The following NCAPG2 variants were observed in gnomAD, a reference collection of about 807,000 sequenced individuals.
NCAPG2 encodes the protein condensin-2 complex subunit G2.
A neutral mutation model predicts 141.1 loss-of-function variants in NCAPG2; 53 were observed. That is an observed-to-expected ratio of 0.38 (90% CI 0.30 to 0.47). The LOEUF (loss-of-function observed/expected upper bound fraction) is 0.47, where lower values mean the gene tolerates loss of function less well. NCAPG2 is among the 20% of genes least tolerant of loss of function. NCAPG2 has a pLI of 0.99. For missense variants in NCAPG2, 1,087 were observed against 1,389.0 expected, an observed-to-expected ratio of 0.78 and a Z score of 3.46; for synonymous variants, 499 against 490.7, an observed-to-expected ratio of 1.02 and a Z score of -0.22.
chr7:158,648,356 C>T (rs1368317287), intron 24 of NCAPG2, among the ~76,000 whole-genome samples: 3 of 150,290 alleles, frequency 2.0e-5, no homozygotes, highest in African/African-American at 4.9e-5. Flanking sequence ...GATAAAATGG[C>T]GTAGTAAAAA....
intron 11 of NCAPG2, among the ~76,000 whole-genome samples, chr7:158,677,737 G>C (rs1481288015): frequency 1.3e-5 from 2 of 152,130 alleles, no homozygotes; most frequent in Non-Finnish European, 2.9e-5. Context: ...ACCATCACCA[G>C]AGAAGCACTC....
At chr7:158,680,940 T>A (rs1834417578) in intron 9 of NCAPG2, 124 bp from the exon 10 acceptor site, 1 of 629,742 alleles carries the variant, frequency 1.6e-6, no homozygotes, top group Middle Eastern at 3.9e-4. Context: ...CTGGCTGGCA[T>A]CCACATGTCA....
intron 23 of NCAPG2, among the ~76,000 whole-genome samples, chr7:158,651,630 G>C (rs1831502024): frequency 6.6e-6 from 1 of 152,134 alleles, no homozygotes; most frequent in Non-Finnish European, 1.5e-5. Context: ...ACATCACGTG[G>C]TACGAGAACT....
At chr7:158,666,110 C>T (rs567622655) in intron 13 of NCAPG2, among the ~76,000 whole-genome samples, 6 of 152,314 alleles carry the variant, frequency 3.9e-5, no homozygotes, top group African/African-American at 1.4e-4. Flanking sequence ...CCAAACCTGA[C>T]TGAAGCCTTG....
intron 13 of NCAPG2, among the ~76,000 whole-genome samples, chr7:158,666,004 G>T (rs1288237069): frequency 3.4e-5 from 1 of 29,348 alleles, no homozygotes; most frequent in Non-Finnish European, 6.8e-5. Context: ...GCATTGGAAA[G>T]ACAGAGCAAC....
intron 19 of NCAPG2, 123 bp downstream of exon 19, chr7:158,656,137 A>C: frequency 8.0e-7 from 1 of 1,249,108 alleles, no homozygotes; most frequent in Non-Finnish European, 1.1e-6. Flanking sequence ...AGGTGACATG[A>C]TCACTCTCAA....
intron 27 of NCAPG2, among the ~76,000 whole-genome samples, chr7:158,637,018 G>T (rs1454156872): frequency 7.3e-5 from 11 of 151,690 alleles, no homozygotes. Flanking sequence ...TGTGATCTTG[G>T]CTCACTGCAA....
chr7:158,683,080 C>T (rs1199440840), intron 9 of NCAPG2, among the ~76,000 whole-genome samples: 1 of 152,154 alleles, frequency 6.6e-6, no homozygotes, highest in Non-Finnish European at 1.5e-5. Flanking sequence ...AATTTAAGGT[C>T]ATTCAAATAC....
chr7:158,651,543 G>C (rs1285758419), intron 23 of NCAPG2, among the ~76,000 whole-genome samples: 2 of 152,122 alleles, frequency 1.3e-5, no homozygotes, highest in Non-Finnish European at 2.9e-5. Context: ...ATTTTTTAAA[G>C]TCTTCATTAA....
chr7:158,660,257 T>C (rs1469322693), intron 16 of NCAPG2, among the ~76,000 whole-genome samples: 1 of 152,140 alleles, frequency 6.6e-6, no homozygotes, highest in Non-Finnish European at 1.5e-5. Context: ...CAGAATTAAC[T>C]GAATCCCAAG....
intron 16 of NCAPG2, among the ~76,000 whole-genome samples, chr7:158,661,228 G>A (rs1270848398): frequency 2.6e-5 from 4 of 152,168 alleles, no homozygotes; most frequent in Non-Finnish European, 5.9e-5. Flanking sequence ...CACATAAGTA[G>A]GTAGAAAAAG....
At chr7:158,702,306 C>T (rs1441180085) in intron 1 of NCAPG2, 1 of 158,828 alleles carries the variant, frequency 6.3e-6, no homozygotes, top group African/African-American at 2.4e-5. Flanking sequence ...CAATCTGATC[C>T]CAGCTGCAGA....
chr7:158,658,816 G>C (rs1378389985), intron 16 of NCAPG2, among the ~76,000 whole-genome samples: 8 of 152,030 alleles, frequency 5.3e-5, no homozygotes, highest in Non-Finnish European at 8.8e-5. Context: ...AATCTCAAAA[G>C]AAGGAAATTA....
intron 13 of NCAPG2, chr7:158,668,372 A>ACTGGGTCCCTCCGCCCTCCTTACCCACTC (rs1833429900): frequency 1.0e-6 from 1 of 976,998 alleles, no homozygotes; most frequent in African/African-American, 1.9e-5. Context: ...CTTACCCACT[A>ACTGGGTCCCTCCGCCCTCCTTACCCACTC]CTGGGTCCCT....
chr7:158,659,025 T>TAA (rs55893307), intron 16 of NCAPG2, among the ~76,000 whole-genome samples: 18 of 97,722 alleles, frequency 1.8e-4, no homozygotes, highest in African/African-American at 6.1e-4. Context: ...GCATTATATT[T>TAA]AAAAAAAAAA....
chr7:158,704,442 G>A lies in NCAPG2; in HGVS notation c.-40+282C>T, dbSNP rs528498349. On this transcript the variant is annotated intron_variant, in intron 1 of 27. Coordinates refer to ENST00000356309, the MANE Select transcript of NCAPG2 (RefSeq NM_017760.7). ...GGACGGTGCCCATGCTCAGGGCTGG[G>A]GGGTCGCTCTCTGAGGGCAGTGCCC... Among the ~76,000 whole-genome samples, 14 of 152,336 alleles carry A rather than the reference G, an allele frequency of 9.2e-5. No individual in the cohort carries two copies. The East Asian group carries it at 2.5e-3, about 27-fold the overall frequency.
chr7:158,651,672 C>A (rs1408561840), intron 23 of NCAPG2, among the ~76,000 whole-genome samples: 1 of 152,210 alleles, frequency 6.6e-6, no homozygotes, highest in East Asian at 1.9e-4. Flanking sequence ...TGAAGCAAAT[C>A]TGGCAGACAG....
intron 27 of NCAPG2, among the ~76,000 whole-genome samples, chr7:158,632,295 C>T (rs975702543): frequency 1.3e-5 from 2 of 152,172 alleles, no homozygotes; most frequent in African/African-American, 4.8e-5. Flanking sequence ...CCTTGCCAGA[C>T]GTTGTCCTCA....
intron 10 of NCAPG2, among the ~76,000 whole-genome samples, chr7:158,680,488 T>C (rs1193805190): frequency 6.6e-6 from 1 of 152,228 alleles, no homozygotes; most frequent in Admixed American, 6.5e-5. Flanking sequence ...TCCCTAAACA[T>C]GGTTACTTAA....
Sources: allele counts gnomAD v4.1 joint callset (sites outside exome capture counted in the v4.1 genomes callset), GRCh38; gene constraint gnomAD v4.1.1; transcripts MANE v1.5; gene names NCBI Gene and HGNC (gene_info 2026-07-23, HGNC 2026-07-21).